The following CNTNAP2 variants were observed in gnomAD, a reference collection of about 807,000 sequenced individuals.
The protein encoded by CNTNAP2 is contactin-associated protein-like 2.
CNTNAP2 carries 98 observed loss-of-function variants against 155.2 expected under a neutral mutation model. The observed-to-expected ratio is 0.63, with a 90% CI of 0.54 to 0.75. CNTNAP2 has a LOEUF of 0.75. Among genes scored for constraint, CNTNAP2 ranks in the 30% least tolerant of loss-of-function variants. The pLI is 0.00. For synonymous variants in CNTNAP2, 651 were observed against 631.2 expected (o/e 1.03, Z -0.47); for missense variants, 1,727 against 1,688.1 (o/e 1.02, Z -0.40).
At chr7:148,023,952 T>C (rs1400487422) in intron 15 of CNTNAP2, among the ~76,000 whole-genome samples, 1 of 152,146 alleles carries the variant, frequency 6.6e-6, no homozygotes, top group African/African-American at 2.4e-5. Context: ...AGTAACTTAA[T>C]AAGACTTCAT....
chr7:148,244,986 T>C (rs990702897), intron 20 of CNTNAP2, among the ~76,000 whole-genome samples: 1 of 152,222 alleles, frequency 6.6e-6, no homozygotes, highest in Admixed American at 6.5e-5. Context: ...ATAAAACCAA[T>C]AAAATCAGAA....
chr7:146,815,985 C>T (rs1803162491), intron 2 of CNTNAP2, among the ~76,000 whole-genome samples: 1 of 152,130 alleles, frequency 6.6e-6, no homozygotes, highest in Non-Finnish European at 1.5e-5. Flanking sequence ...TTGTTCAATT[C>T]CCACCTATGA....
intron 8 of CNTNAP2, among the ~76,000 whole-genome samples, chr7:147,288,896 C>CA (rs1472885931): frequency 6.6e-6 from 1 of 152,112 alleles, no homozygotes. Flanking sequence ...CTAAAACCTC[C>CA]AAAGTGCCTT....
At chr7:147,575,866 A>T (rs1369884699) in intron 12 of CNTNAP2, among the ~76,000 whole-genome samples, 2 of 151,946 alleles carry the variant, frequency 1.3e-5, no homozygotes, top group Non-Finnish European at 2.9e-5. Flanking sequence ...TTTATTCTTC[A>T]CAATAACCCT....
chr7:146,572,840 T>C (rs1480456654), intron 1 of CNTNAP2, among the ~76,000 whole-genome samples: 3 of 152,086 alleles, frequency 2.0e-5, no homozygotes, highest in African/African-American at 7.2e-5. Context: ...AAAATGTGGT[T>C]TGTATAACTG....
intron 8 of CNTNAP2, among the ~76,000 whole-genome samples, chr7:147,166,383 A>T (rs1006547449): frequency 1.3e-5 from 2 of 152,016 alleles, no homozygotes; most frequent in African/African-American, 4.8e-5. Flanking sequence ...GACTTTGGGG[A>T]CTCCGGAGGA....
At chr7:147,923,707 G>T (rs1800327978) in intron 14 of CNTNAP2, among the ~76,000 whole-genome samples, 1 of 151,504 alleles carries the variant, frequency 6.6e-6, no homozygotes, top group Non-Finnish European at 1.5e-5. Context: ...AATTTCTAGA[G>T]ATTTTCCTTT....
At chr7:146,870,318 A>G (rs966140385) in intron 3 of CNTNAP2, among the ~76,000 whole-genome samples, 2 of 151,568 alleles carry the variant, frequency 1.3e-5, no homozygotes, top group African/African-American at 4.9e-5. Flanking sequence ...GGGAGGCTGT[A>G]TGTGTTCAGC....
intron 13 of CNTNAP2, among the ~76,000 whole-genome samples, chr7:147,752,692 T>G (rs1416770615): frequency 2.6e-5 from 4 of 152,220 alleles, no homozygotes; most frequent in Non-Finnish European, 5.9e-5. Flanking sequence ...TCAGTTTTCA[T>G]AGCAGTCCAA....
At chr7:148,263,726 G>T (rs1379528960) in intron 20 of CNTNAP2, among the ~76,000 whole-genome samples, 3 of 140,500 alleles carry the variant, frequency 2.1e-5, no homozygotes, top group Admixed American at 7.2e-5. Context: ...GACAGAGCGA[G>T]ACTCAGTCCC....
intron 13 of CNTNAP2, among the ~76,000 whole-genome samples, chr7:147,822,568 T>C (rs891674931): frequency 1.3e-5 from 2 of 152,190 alleles, no homozygotes; most frequent in African/African-American, 4.8e-5. Context: ...TATGTCAAAA[T>C]GTTGATATGT....
At chr7:146,186,460 A>G (rs993221246) in intron 1 of CNTNAP2, among the ~76,000 whole-genome samples, 3 of 152,174 alleles carry the variant, frequency 2.0e-5, no homozygotes, top group Admixed American at 6.6e-5. Context: ...ACTAACTTTT[A>G]TCATAGTTAT....
At chr7:147,281,436 T>C (rs946841384) in intron 8 of CNTNAP2, among the ~76,000 whole-genome samples, 3 of 151,820 alleles carry the variant, frequency 2.0e-5, no homozygotes, top group Non-Finnish European at 2.9e-5. Flanking sequence ...AGTCATATTG[T>C]CTAGGGTATT....
intron 3 of CNTNAP2, among the ~76,000 whole-genome samples, chr7:146,935,325 T>A (rs1214156110): frequency 2.6e-5 from 4 of 152,218 alleles, no homozygotes; most frequent in Non-Finnish European, 5.9e-5. Flanking sequence ...TTGTGAAGGA[T>A]TTGGCAGCCA....
Position 146,605,261 on chromosome 7 carries a change from G to A in CNTNAP2, c.98-169010G>A, listed in dbSNP as rs192108455. ...TAGAAACTAGGGCTGGCCATTTTGTGTATTATTGTACTTGTTCCATATCTC... is the reference window on the plus strand; with the variant it reads ...TAGAAACTAGGGCTGGCCATTTTGTATATTATTGTACTTGTTCCATATCTC... On this transcript the variant is annotated intron_variant, in intron 1 of 23. Coordinates refer to ENST00000361727, the MANE Select transcript of CNTNAP2 (RefSeq NM_014141.6). 4.0e-5 allele frequency among the ~76,000 whole-genome samples: 6 copies of A among 151,090 alleles called. No individual in the cohort carries two copies. In the East Asian group the frequency reaches 9.8e-4, roughly 25 times the overall value.
chr7:146,421,007 T>C (rs1796004251), intron 1 of CNTNAP2, among the ~76,000 whole-genome samples: 1 of 152,020 alleles, frequency 6.6e-6, no homozygotes, highest in African/African-American at 2.4e-5. Flanking sequence ...TTTTCGGCAT[T>C]TATATGAGGG....
At chr7:146,190,155 A>G (rs1015179563) in intron 1 of CNTNAP2, among the ~76,000 whole-genome samples, 2 of 152,150 alleles carry the variant, frequency 1.3e-5, no homozygotes, top group Admixed American at 6.5e-5. Context: ...TGCAAACCTC[A>G]TGCGTTCGTT....
At chr7:147,945,738 G>A (rs1263655010) in intron 14 of CNTNAP2, among the ~76,000 whole-genome samples, 1 of 151,234 alleles carries the variant, frequency 6.6e-6, no homozygotes, top group Admixed American at 6.6e-5. Context: ...GACTCCAGAA[G>A]ATGGTAAAAT....
intron 10 of CNTNAP2, among the ~76,000 whole-genome samples, chr7:147,484,429 G>C (rs924390518): frequency 2.0e-5 from 3 of 152,084 alleles, no homozygotes; most frequent in African/African-American, 7.2e-5. Flanking sequence ...ATTTGTCCCT[G>C]AATTATGCTG....
Sources: gnomAD v4.1 joint callset for allele counts (sites outside exome capture counted in the v4.1 genomes callset) on GRCh38, gnomAD v4.1.1 for gene constraint, MANE v1.5 for transcripts, NCBI Gene and HGNC (gene_info 2026-07-23, HGNC 2026-07-21) for gene names.